Variants in ENOX2 observed in about 807,000 individuals in gnomAD.
ENOX2 encodes ecto-NOX disulfide-thiol exchanger 2, also known as APK1 antigen.
ENOX2 carries 36 observed loss-of-function variants against 45.0 expected under a neutral mutation model. That is an observed-to-expected ratio of 0.80 (90% CI 0.61 to 1.06). The LOEUF (loss-of-function observed/expected upper bound fraction) is 1.06. Among genes scored for constraint, ENOX2 ranks in the 50% least tolerant of loss-of-function variants. ENOX2 has a pLI of 0.00. For synonymous variants in ENOX2, 174 were observed against 152.3 expected (o/e 1.14, Z -1.05); for missense variants, 423 against 462.5 (o/e 0.91, Z 0.78).
chrX:130,662,859 T>G (rs190996326), intron 9 of ENOX2, among the ~76,000 whole-genome samples: 3 of 112,358 alleles, frequency 2.7e-5, no homozygotes, highest in African/African-American at 9.7e-5. Context: ...TGGACCTTAA[T>G]TTAATTCAAT....
chrX:130,789,509 G>A (rs1318693603), intron 2 of ENOX2, among the ~76,000 whole-genome samples: 1 of 111,874 alleles, frequency 8.9e-6, no homozygotes, highest in Non-Finnish European at 1.9e-5. Flanking sequence ...TGCCACCCTG[G>A]ATTAGTTAGC....
chrX:130,727,919 G>A lies in ENOX2; in HGVS notation c.-38-24665C>T, dbSNP rs138516716. ...GGACTATTACCTGAGCTATGTAGGT[G>A]TGCTAGTTATCAATCTAATACCTCT... is the stretch of plus-strand genomic sequence containing the variant. On this transcript the variant is annotated intron_variant, in intron 3 of 14. Transcript: ENST00000394363. 3.9e-3 allele frequency among the ~76,000 whole-genome samples: 440 copies of A among 112,216 alleles called. 2 individuals carry two copies. The highest frequency in any genetic ancestry group is 0.014 in the African/African-American group (425 of 30,895).
At chrX:130,779,024 C>T (rs1173404888) in intron 3 of ENOX2, among the ~76,000 whole-genome samples, 1 of 112,629 alleles carries the variant, frequency 8.9e-6, no homozygotes, top group African/African-American at 3.2e-5. Context: ...ATGGTTTTTT[C>T]CACTTTAGTG....
At chrX:130,837,714 CTGTG>C (rs1475222583) in intron 2 of ENOX2, among the ~76,000 whole-genome samples, 2 of 111,612 alleles carry the variant, frequency 1.8e-5, no homozygotes, top group Non-Finnish European at 3.8e-5. Context: ...CACTTAATCT[CTGTG>C]TTTCAGTTTC....
intron 10 of ENOX2, among the ~76,000 whole-genome samples, chrX:130,644,805 T>C (rs1331581006): frequency 9.0e-6 from 1 of 111,627 alleles, no homozygotes; most frequent in South Asian, 3.8e-4. Flanking sequence ...TTCTGTATGA[T>C]ATTACAGTGA....
At chrX:130,751,609 C>G (rs770979796) in intron 3 of ENOX2, among the ~76,000 whole-genome samples, 49 of 111,658 alleles carry the variant, frequency 4.4e-4, no homozygotes, top group African/African-American at 1.3e-3. Context: ...TATGGTAATT[C>G]TATGTTTTAC....
At chrX:130,704,268 T>C (rs2037980051) in intron 3 of ENOX2, among the ~76,000 whole-genome samples, 1 of 111,543 alleles carries the variant, frequency 9.0e-6, no homozygotes, top group Non-Finnish European at 1.9e-5. Flanking sequence ...AAATACTTCA[T>C]GGAGAAAATA....
Position 130,775,000 on chromosome X carries a change from G to A in ENOX2, c.-39+8547C>T, listed in dbSNP as rs187846016. On this transcript the variant is annotated intron_variant, in intron 3 of 14. Coordinates refer to ENST00000394363, the MANE Select transcript of ENOX2 (RefSeq NM_006375.4). ...TCCCCACTTGTTGCCATTCTGTGGC[G>A]AAGAAGAAATTTCCATTGTGTTTGT... Among the ~76,000 whole-genome samples the A allele has an allele frequency of 3.8e-3, 429 of 112,217 alleles. 2 individuals carry two copies. Among genetic ancestry groups the A allele is most frequent in the African/African-American group, 0.013 (410 of 30,905 alleles).
chrX:130,636,482 C>A (rs990224585), intron 11 of ENOX2, among the ~76,000 whole-genome samples: 2 of 112,047 alleles, frequency 1.8e-5, no homozygotes, highest in African/African-American at 6.5e-5. Context: ...TGACAGAAGA[C>A]AATAGTGGCC....
intron 2 of ENOX2, among the ~76,000 whole-genome samples, chrX:130,864,269 C>T (rs1346284579): frequency 9.0e-6 from 1 of 110,739 alleles, no homozygotes; most frequent in Non-Finnish European, 1.9e-5. Context: ...TCTGGGGTAG[C>T]CACTGACATT....
At chrX:130,665,610 C>T (rs773794040) in intron 9 of ENOX2, 33 bp downstream of exon 9, 1 of 1,024,335 alleles carries the variant, frequency 9.8e-7, no homozygotes, top group East Asian at 3.2e-5. Context: ...AAACTGTCCC[C>T]CCAAGGGGCT....
chrX:130,809,968 C>T (rs184443026), intron 2 of ENOX2, among the ~76,000 whole-genome samples: 2 of 111,515 alleles, frequency 1.8e-5, no homozygotes, highest in South Asian at 7.7e-4. Context: ...AAAATACCTA[C>T]CCAAGAGTGA....
chrX:130,814,344 G>C (rs1257305643), intron 2 of ENOX2, among the ~76,000 whole-genome samples: 2 of 112,389 alleles, frequency 1.8e-5, no homozygotes, highest in Non-Finnish European at 3.8e-5. Flanking sequence ...GTTCCTGCCT[G>C]CTGGCTCTGA....
intron 2 of ENOX2, among the ~76,000 whole-genome samples, chrX:130,835,417 G>A (rs1488700404): frequency 9.0e-6 from 1 of 110,893 alleles, no homozygotes; most frequent in Non-Finnish European, 1.9e-5. Context: ...TAAGTTAGAT[G>A]TATACATTCA....
chrX:130,663,550 A>AG (rs1324417349), intron 9 of ENOX2, among the ~76,000 whole-genome samples: 1 of 108,817 alleles, frequency 9.2e-6, no homozygotes, highest in East Asian at 2.9e-4. Flanking sequence ...AAAAAAAAAA[A>AG]AAGTATTGTG....
chrX:130,656,798 T>C (rs974096897), intron 9 of ENOX2, 103 bp from the exon 10 acceptor site: 1 of 505,355 alleles, frequency 2.0e-6, no homozygotes, highest in East Asian at 3.6e-5. Flanking sequence ...TTTGACATAT[T>C]AGGAAAAAAA....
chrX:130,663,525 C>T (rs955351780), intron 9 of ENOX2, among the ~76,000 whole-genome samples: 186 of 91,127 alleles, frequency 2.0e-3, no homozygotes, highest in Non-Finnish European at 2.7e-3. Flanking sequence ...AGCAAGACTC[C>T]GTCTCCAAAA....
intron 6 of ENOX2, among the ~76,000 whole-genome samples, chrX:130,673,332 T>A (rs1181846473): frequency 2.7e-5 from 3 of 110,191 alleles, no homozygotes; most frequent in African/African-American, 9.9e-5. Context: ...TAGCAATGGA[T>A]CCTAATGAAA....
intron 2 of ENOX2, among the ~76,000 whole-genome samples, chrX:130,886,645 CT>C (rs201713460): frequency 5.5e-4 from 60 of 108,421 alleles, no homozygotes; most frequent in Middle Eastern, 4.7e-3. Context: ...GTTTCCAGCA[CT>C]TTTTTTTTTC....
Sources: allele counts gnomAD v4.1 joint callset (sites outside exome capture counted in the v4.1 genomes callset), GRCh38; gene constraint gnomAD v4.1.1; transcripts MANE v1.5; gene names NCBI Gene and HGNC (gene_info 2026-07-23, HGNC 2026-07-21).